GLT1D1: variants seen among roughly 807,000 people sequenced by gnomAD.
The protein encoded by GLT1D1 is glycosyltransferase 1 domain-containing protein 1.
In GLT1D1, 21 loss-of-function variants were observed where a neutral mutation model predicts 28.7. That is an observed-to-expected ratio of 0.73 (90% CI 0.52 to 1.05). The LOEUF (loss-of-function observed/expected upper bound fraction) is 1.05, where lower values mean the gene tolerates loss of function less well. Ranked by LOEUF, GLT1D1 falls within the 50% of genes least tolerant of loss-of-function variation. GLT1D1 has a pLI of 0.00. For synonymous variants in GLT1D1, 147 were observed against 124.8 expected (o/e 1.18, Z -1.19); for missense variants, 343 against 330.6 (o/e 1.04, Z -0.29).
At chr12:128,974,270 C>A (rs1316044807) in intron 7 of GLT1D1, among the ~76,000 whole-genome samples, 1 of 152,142 alleles carries the variant, frequency 6.6e-6, no homozygotes, top group Non-Finnish European at 1.5e-5. Context: ...TCCTTGTTCA[C>A]ACGGACATCT....
chr12:128,917,862 A>G (rs583494), intron 4 of GLT1D1, among the ~76,000 whole-genome samples: 63,151 of 152,006 alleles, frequency 0.42, 13,635 homozygotes, highest in East Asian at 0.76. Context: ...GAACGCTTTT[A>G]CCCTGTTAGT....
chr12:128,982,221 C>T lies in GLT1D1; in HGVS notation c.640-708C>T, dbSNP rs1485625796. ...AACCCCCCTCCCTCCCTTCTTCATG[C>T]TGGGAGCCCCTGGGACTTGGGGTAG... On this transcript the variant is annotated intron_variant, in intron 7 of 7. Transcript: ENST00000281703. Among the ~76,000 whole-genome samples the T allele has an allele frequency of 5.3e-5, 8 of 152,086 alleles. No individual in the cohort carries two copies. In the South Asian group the frequency reaches 1.7e-3, roughly 32 times the overall value.
intron 7 of GLT1D1, among the ~76,000 whole-genome samples, chr12:128,960,334 G>A (rs995791648): frequency 5.3e-5 from 8 of 152,174 alleles, no homozygotes; most frequent in African/African-American, 1.9e-4. Context: ...TACCTAGCAT[G>A]GGGTAGGAGC....
chr12:128,928,016 A>C (rs960810463), intron 4 of GLT1D1, among the ~76,000 whole-genome samples: 127 of 149,854 alleles, frequency 8.5e-4, no homozygotes, highest in South Asian at 4.0e-3. Context: ...AAAAAAAAAA[A>C]AAAAAAAAAC....
chr12:128,854,319 A>G (rs1158873796), intron 1 of GLT1D1, among the ~76,000 whole-genome samples: 1 of 151,950 alleles, frequency 6.6e-6, no homozygotes, highest in Non-Finnish European at 1.5e-5. Flanking sequence ...CTCGGCCTGT[A>G]TTAGCCGGAT....
intron 4 of GLT1D1, among the ~76,000 whole-genome samples, chr12:128,924,013 C>A (rs971505297): frequency 6.6e-6 from 1 of 152,128 alleles, no homozygotes; most frequent in Non-Finnish European, 1.5e-5. Context: ...CCTGCGAGGG[C>A]TGCTTCATGT....
intron 1 of GLT1D1, among the ~76,000 whole-genome samples, chr12:128,868,681 G>A (rs914070051): frequency 6.6e-6 from 1 of 152,146 alleles, no homozygotes; most frequent in Non-Finnish European, 1.5e-5. Context: ...TCAGCTGGGT[G>A]CCGACTGCCA....
intron 7 of GLT1D1, among the ~76,000 whole-genome samples, chr12:128,973,996 G>A (rs1469188535): frequency 6.6e-6 from 1 of 150,506 alleles, no homozygotes; most frequent in Non-Finnish European, 1.5e-5. Flanking sequence ...ATGCAGCAGC[G>A]GTGCTCAGAG....
At chr12:128,944,752 G>C (rs1875789373) in intron 4 of GLT1D1, 1 of 536,242 alleles carries the variant, frequency 1.9e-6, no homozygotes, top group Non-Finnish European at 3.5e-6. Context: ...CATTTGGGAT[G>C]AGTTTCCCTT....
chr12:128,949,527 A>G (rs1370401063), intron 6 of GLT1D1, among the ~76,000 whole-genome samples: 1 of 152,160 alleles, frequency 6.6e-6, no homozygotes, highest in Admixed American at 6.5e-5. Flanking sequence ...GTATTTTCCC[A>G]TGGAAGCATA....
At chr12:128,904,283 CT>C (rs1247932968) in intron 4 of GLT1D1, among the ~76,000 whole-genome samples, 2 of 151,752 alleles carry the variant, frequency 1.3e-5, no homozygotes, top group Non-Finnish European at 2.9e-5. Flanking sequence ...TTGATAAAGA[CT>C]TTTTTTAAAA....
At chr12:128,967,763 T>C (rs1878602163) in intron 7 of GLT1D1, among the ~76,000 whole-genome samples, 1 of 152,238 alleles carries the variant, frequency 6.6e-6, no homozygotes, top group African/African-American at 2.4e-5. Flanking sequence ...AACATATTAC[T>C]TCTCTCTTAT....
chr12:128,965,678 C>T (rs1878375995), intron 7 of GLT1D1, among the ~76,000 whole-genome samples: 1 of 139,452 alleles, frequency 7.2e-6, no homozygotes, highest in Admixed American at 7.9e-5. Context: ...TCAAGACCAT[C>T]CTGGGCAACA....
chr12:128,983,098 G>C lies in GLT1D1; in HGVS notation c.*8G>C. On this transcript the variant is annotated 3_prime_UTR_variant, in exon 8 of 8. Coordinates refer to ENST00000281703, the MANE Select transcript of GLT1D1 (RefSeq NM_144669.3). The surrounding 1 kb of genome is among the most constrained non-coding windows in gnomAD (Gnocchi z 4.7). ...GGAAGCACTGAAGATTGAGGGCCCC[G>C]CCTCATCAGACACCTGCTCTCTGAC... 1 of 1,612,416 alleles carries C rather than the reference G, an allele frequency of 6.2e-7. No individual in the cohort carries two copies. Among genetic ancestry groups the C allele is most frequent in the Non-Finnish European group, 8.5e-7 (1 of 1,179,264 alleles).
chr12:128,957,749 C>A (rs1877449742), intron 7 of GLT1D1, 106 bp downstream of exon 11: 6 of 754,598 alleles, frequency 8.0e-6, no homozygotes, highest in Middle Eastern at 2.4e-4. Flanking sequence ...CCTGTCCTAC[C>A]CGGAGCCCTG....
chr12:128,963,145 CCAA>C (rs1412900740), intron 7 of GLT1D1, among the ~76,000 whole-genome samples: 1 of 152,194 alleles, frequency 6.6e-6, no homozygotes, highest in Non-Finnish European at 1.5e-5. Flanking sequence ...ACTGTGCACA[CCAA>C]CGACAGTGGG....
At chr12:128,891,924 A>G (rs1213589761) in intron 3 of GLT1D1, among the ~76,000 whole-genome samples, 2 of 152,180 alleles carry the variant, frequency 1.3e-5, no homozygotes, top group African/African-American at 4.8e-5. Context: ...GGTCAGGCAC[A>G]GGTTGGTTTT....
intron 7 of GLT1D1, among the ~76,000 whole-genome samples, chr12:128,959,811 C>T (rs552064195): frequency 1.3e-5 from 2 of 152,124 alleles, no homozygotes; most frequent in African/African-American, 2.4e-5. Context: ...AATATCCGCT[C>T]TGGCAAAGTG....
intron 4 of GLT1D1, among the ~76,000 whole-genome samples, chr12:128,922,807 C>T (rs1296832158): frequency 6.6e-6 from 1 of 151,632 alleles, no homozygotes; most frequent in Non-Finnish European, 1.5e-5. Context: ...CCTGTAGTCT[C>T]AGCTACTCAG....
Sources: gnomAD v4.1 joint callset for allele counts (sites outside exome capture counted in the v4.1 genomes callset) on GRCh38, gnomAD v4.1.1 for gene constraint, Gnocchi (gnomAD v3.1) non-coding constraint, MANE v1.5 for transcripts, NCBI Gene and HGNC (gene_info 2026-07-23, HGNC 2026-07-21) for gene names.